Variants in FHIP1A observed in about 807,000 individuals in gnomAD.
FHIP1A encodes FHF complex subunit HOOK interacting protein 1A, also known as FHF complex subunit HOOK-interacting protein 1A.
FHIP1A carries 61 observed loss-of-function variants against 88.6 expected under a neutral mutation model. The observed-to-expected ratio is 0.69, with a 90% CI of 0.56 to 0.85. The LOEUF is 0.85. Ranked by LOEUF, FHIP1A falls within the 40% of genes least tolerant of loss-of-function variation. The probability of loss-of-function intolerance (pLI) is 0.00; values close to 1 mark genes in which losing one functional copy is unlikely to be tolerated. For missense variants in FHIP1A, 1,154 were observed against 1,273.5 expected (o/e 0.91, Z 1.43); for synonymous variants, 478 against 496.0 (o/e 0.96, Z 0.48).
chr4:151,608,409 G>A (rs1735168576), intron 7 of FHIP1A, among the ~76,000 whole-genome samples: 1 of 152,016 alleles, frequency 6.6e-6, no homozygotes, highest in African/African-American at 2.4e-5. Flanking sequence ...TTATATAATT[G>A]TTTTCCTATT....
At chr4:151,500,999 C>T (rs959644565) in intron 3 of FHIP1A, among the ~76,000 whole-genome samples, 6 of 152,050 alleles carry the variant, frequency 3.9e-5, no homozygotes, top group African/African-American at 7.2e-5. Flanking sequence ...TTTCACTGTA[C>T]GAATATTGAT....
At chr4:151,441,004 A>G (rs1728391161) in intron 1 of FHIP1A, among the ~76,000 whole-genome samples, 1 of 151,982 alleles carries the variant, frequency 6.6e-6, no homozygotes. Context: ...ACCCATTCAA[A>G]TCCAACTTTT....
intron 7 of FHIP1A, among the ~76,000 whole-genome samples, chr4:151,626,579 G>A (rs1267610342): frequency 6.6e-6 from 1 of 152,146 alleles, no homozygotes; most frequent in African/African-American, 2.4e-5. Context: ...CCCACCTTTA[G>A]TATGAAATAA....
At chr4:151,416,035 A>G (rs1187229053) in intron 1 of FHIP1A, among the ~76,000 whole-genome samples, 2 of 152,048 alleles carry the variant, frequency 1.3e-5, no homozygotes, top group Admixed American at 6.5e-5. Context: ...CAGAATGCAG[A>G]GTGTATTTTA....
At chr4:151,438,245 G>A (rs1421768618) in intron 1 of FHIP1A, among the ~76,000 whole-genome samples, 5 of 152,054 alleles carry the variant, frequency 3.3e-5, no homozygotes, top group Admixed American at 2.0e-4. Context: ...TGCCTACTAC[G>A]TGTGTGTAAT....
chr4:151,639,572 G>A (rs1033039318), intron 9 of FHIP1A, among the ~76,000 whole-genome samples: 1 of 152,150 alleles, frequency 6.6e-6, no homozygotes, highest in Non-Finnish European at 1.5e-5. Context: ...GTTAGACCAT[G>A]GTGTACATCT....
chr4:151,515,854 C>G (rs951360195), intron 3 of FHIP1A, among the ~76,000 whole-genome samples: 3 of 152,226 alleles, frequency 2.0e-5, no homozygotes, highest in African/African-American at 7.2e-5. Context: ...GAATCAATAT[C>G]GTGAAAATGG....
intron 3 of FHIP1A, among the ~76,000 whole-genome samples, chr4:151,509,127 C>T (rs1220183064): frequency 6.6e-6 from 1 of 152,090 alleles, no homozygotes; most frequent in Admixed American, 6.6e-5. Context: ...CTTTTTCAGT[C>T]ACTGGCATGA....
chr4:151,566,583 C>T (rs979626209), intron 4 of FHIP1A, among the ~76,000 whole-genome samples: 1 of 152,120 alleles, frequency 6.6e-6, no homozygotes, highest in African/African-American at 2.4e-5. Flanking sequence ...AATTAGGGTA[C>T]ATGCATGTTA....
At chr4:151,428,882 T>C (rs1223712700) in intron 1 of FHIP1A, among the ~76,000 whole-genome samples, 1 of 152,210 alleles carries the variant, frequency 6.6e-6, no homozygotes, top group Non-Finnish European at 1.5e-5. Flanking sequence ...CACCTTGGCT[T>C]AGTTAACTCC....
chr4:151,420,493 G>A (rs937525847), intron 1 of FHIP1A, among the ~76,000 whole-genome samples: 7 of 152,094 alleles, frequency 4.6e-5, no homozygotes, highest in African/African-American at 1.4e-4. Flanking sequence ...TTTTAGTGAT[G>A]TGCATTCTTC....
At chr4:151,623,608 G>A (rs1289278610) in intron 7 of FHIP1A, among the ~76,000 whole-genome samples, 1 of 144,686 alleles carries the variant, frequency 6.9e-6, no homozygotes, top group Non-Finnish European at 1.5e-5. Flanking sequence ...CCTTTACTGA[G>A]TCCTTTCTAT....
chr4:151,551,636 G>T (rs913745348), intron 3 of FHIP1A, among the ~76,000 whole-genome samples: 1 of 152,106 alleles, frequency 6.6e-6, no homozygotes, highest in Non-Finnish European at 1.5e-5. Context: ...GCCATATGTA[G>T]ACAGCTGAAA....
intron 3 of FHIP1A, among the ~76,000 whole-genome samples, chr4:151,546,029 G>A (rs1003148728): frequency 7.2e-5 from 11 of 152,170 alleles, no homozygotes; most frequent in Non-Finnish European, 1.5e-4. Context: ...TCCCAGAGGA[G>A]ATCAGTATGT....
intron 8 of FHIP1A, among the ~76,000 whole-genome samples, chr4:151,637,302 A>T (rs1202936036): frequency 6.6e-6 from 1 of 152,126 alleles, no homozygotes; most frequent in African/African-American, 2.4e-5. Context: ...CAAATGAAAA[A>T]ATTGATAAAT....
chr4:151,560,486 T>G (rs1733131228), intron 3 of FHIP1A, among the ~76,000 whole-genome samples: 1 of 152,192 alleles, frequency 6.6e-6, no homozygotes, highest in Non-Finnish European at 1.5e-5. Context: ...CTTAGAAAGA[T>G]TCAGAGCATC....
chr4:151,496,146 T>C (rs1344796087), intron 3 of FHIP1A, among the ~76,000 whole-genome samples: 1 of 151,828 alleles, frequency 6.6e-6, no homozygotes, highest in Non-Finnish European at 1.5e-5. Context: ...CATGTTTTCC[T>C]GCATTTGTTT....
rs146557227 is a variant in FHIP1A, at chr4:151,529,724, A to G, written c.-122-36414A>G. Among the ~76,000 whole-genome samples, 460 of 152,314 alleles carry G rather than the reference A, an allele frequency of 3.0e-3. 2 individuals carry two copies. The highest frequency in any genetic ancestry group is 0.011 in the African/African-American group (447 of 41,572). On this transcript the variant is annotated intron_variant, in intron 3 of 13. Coordinates refer to ENST00000435205, the MANE Select transcript of FHIP1A (RefSeq NM_001109977.3). Reference sequence around the variant, plus strand: ...TGGGGTGAAGAGTACACTCGTGTCCATAAGATTCTAGAAGGATGGAGGTTA... The same window carrying G: ...TGGGGTGAAGAGTACACTCGTGTCCGTAAGATTCTAGAAGGATGGAGGTTA...
intron 7 of FHIP1A, among the ~76,000 whole-genome samples, chr4:151,594,864 C>T (rs982158801): frequency 6.6e-6 from 1 of 152,136 alleles, no homozygotes; most frequent in Non-Finnish European, 1.5e-5. Flanking sequence ...TGAGCCACCG[C>T]ACCCAGCCAC....
Sources: allele counts gnomAD v4.1 joint callset (sites outside exome capture counted in the v4.1 genomes callset), GRCh38; gene constraint gnomAD v4.1.1; transcripts MANE v1.5; gene names NCBI Gene and HGNC (gene_info 2026-07-23, HGNC 2026-07-21).